Variants in ACSM3 observed in about 807,000 individuals in gnomAD.
The protein encoded by ACSM3 is acyl-CoA synthetase medium chain family member 3.
Under a neutral mutation model 74.1 loss-of-function variants are expected in ACSM3, and 61 were observed. The ratio of observed to expected loss-of-function variants is 0.82; its 90% CI spans 0.67 to 1.02. The LOEUF is 1.02. Among genes scored for constraint, ACSM3 ranks in the 50% least tolerant of loss-of-function variants. ACSM3 has a pLI of 0.00. For missense variants in ACSM3, 660 were observed against 697.0 expected (o/e 0.95, Z 0.60); for synonymous variants, 213 against 241.5 (o/e 0.88, Z 1.09).
In ACSM3 at chr16:20,794,952, A is replaced by G. The variant is rs1228690005; in HGVS notation, c.1555-1418A>G. The stretch of plus-strand genomic sequence containing the variant: ...ACTATCCAAGTTGTAGAAATCGTCA[A>G]TATGTGAACCAGTATTGCAGTTTTT... On this transcript the variant is annotated intron_variant, in intron 12 of 13. Transcript: ENST00000289416. 5.3e-5 allele frequency among the ~76,000 whole-genome samples: 8 copies of G among 152,352 alleles called. No homozygotes were observed. The East Asian group carries it at 1.3e-3, about 26-fold the overall frequency.
intron 1 of ACSM3, chr16:20,718,629 G>T (rs1249086414): frequency 5.5e-6 from 1 of 183,198 alleles, no homozygotes; most frequent in Non-Finnish European, 1.1e-5. Flanking sequence ...ACTTGTGCTG[G>T]CCGTGCCCAA....
chr16:20,786,889 C>T (rs2080485975), intron 9 of ACSM3, among the ~76,000 whole-genome samples: 2 of 152,164 alleles, frequency 1.3e-5, no homozygotes, highest in South Asian at 2.1e-4. Context: ...CACTGGTCCT[C>T]TCAGGCAAGG....
rs113400666 is a variant in ACSM3, at chr16:20,701,044, T to C, written c.-190+26222T>C. ...TAGGTGGACTTGTTGATGGTTTTGA[T>C]AGGGAGTGAATAAAAAGAATCAAGG... On this transcript the variant is annotated intron_variant, in intron 1 of 3. Coordinates refer to the ACSM3 transcript ENST00000561584. Among the ~76,000 whole-genome samples the C allele has an allele frequency of 3.3e-5, 5 of 152,142 alleles. 1 individual carries two copies. The highest frequency in any genetic ancestry group is 1.9e-4 in the East Asian group (1 of 5,168).
chr16:20,737,732 C>T (rs1234045740), intron 1 of ACSM3: 2 of 1,612,270 alleles, frequency 1.2e-6, no homozygotes, highest in South Asian at 2.2e-5. Flanking sequence ...ATAACTTCTT[C>T]TCTATTCACA....
intron 1 of ACSM3, chr16:20,743,980 G>A (rs1211711277): frequency 6.6e-6 from 1 of 152,252 alleles, no homozygotes; most frequent in Non-Finnish European, 1.5e-5. Flanking sequence ...GTTAAAATAT[G>A]TGAGGAGGCA....
At chr16:20,727,398 G>A in intron 1 of ACSM3, 2 of 566,562 alleles carry the variant, frequency 3.5e-6, no homozygotes, top group Non-Finnish European at 3.4e-6. Context: ...CCTCACCCCG[G>A]AGGTGCTGGA....
At chr16:20,785,880 G>A (rs1211715511) in intron 8 of ACSM3, among the ~76,000 whole-genome samples, 198 bp from the exon 9 acceptor site, 6 of 152,042 alleles carry the variant, frequency 3.9e-5, no homozygotes, top group African/African-American at 1.2e-4. Context: ...GGATATATGA[G>A]TAATTATTGT....
chr16:20,699,596 C>CA (rs2079707540), intron 1 of ACSM3, among the ~76,000 whole-genome samples: 1 of 152,030 alleles, frequency 6.6e-6, no homozygotes, highest in South Asian at 2.1e-4. Context: ...AACAACTAAC[C>CA]AAAAAACCTC....
chr16:20,714,365 T>G (rs1309014037), intron 1 of ACSM3, among the ~76,000 whole-genome samples: 1 of 152,056 alleles, frequency 6.6e-6, no homozygotes, highest in African/African-American at 2.4e-5. Context: ...AAATTGCCCC[T>G]GTAAACAAGG....
chr16:20,751,260 T>G (rs2079987266), intron 2 of ACSM3, among the ~76,000 whole-genome samples: 1 of 152,188 alleles, frequency 6.6e-6, no homozygotes, highest in African/African-American at 2.4e-5. Context: ...CCTTACAAAA[T>G]GTACATGAAA....
At chr16:20,737,984 T>C in intron 1 of ACSM3, 2 of 1,562,526 alleles carry the variant, frequency 1.3e-6, no homozygotes, top group Non-Finnish European at 1.7e-6. Context: ...GTTAAGAAGA[T>C]AATTTCTCAG....
At chr16:20,690,974 C>G in intron 1 of ACSM3, 1 of 1,595,738 alleles carries the variant, frequency 6.3e-7, no homozygotes, top group Non-Finnish European at 8.5e-7. Context: ...GTTCTTATAT[C>G]GCCATCACGG....
chr16:20,734,719 G>A (rs2079854483), intron 1 of ACSM3: 2 of 152,160 alleles, frequency 1.3e-5, no homozygotes, highest in African/African-American at 4.8e-5. Flanking sequence ...CCAAAAAGAG[G>A]CCTTGAAAAA....
intron 1 of ACSM3, among the ~76,000 whole-genome samples, chr16:20,675,087 G>T (rs530462495): frequency 1.3e-5 from 2 of 152,196 alleles, no homozygotes; most frequent in African/African-American, 2.4e-5. Flanking sequence ...AACTGGGAGT[G>T]TGTGGGTGTG....
chr16:20,775,525 T>A (rs1248635157), intron 2 of ACSM3, among the ~76,000 whole-genome samples: 1 of 152,178 alleles, frequency 6.6e-6, no homozygotes, highest in Admixed American at 6.5e-5. Context: ...TCCCTCTCTA[T>A]GCTTTCATCT....
intron 2 of ACSM3, among the ~76,000 whole-genome samples, chr16:20,774,984 G>A (rs906170132): frequency 6.6e-6 from 1 of 152,182 alleles, no homozygotes; most frequent in Admixed American, 6.5e-5. Flanking sequence ...TCAGGCTCTG[G>A]GGAGTGTGCT....
intron 1 of ACSM3, among the ~76,000 whole-genome samples, chr16:20,691,674 A>G (rs1428389058): frequency 6.6e-6 from 1 of 151,876 alleles, no homozygotes; most frequent in Non-Finnish European, 1.5e-5. Flanking sequence ...CCATGACTAA[A>G]GTTGATTGGT....
chr16:20,724,162 G>C (rs1490377620), intron 1 of ACSM3, among the ~76,000 whole-genome samples: 5 of 152,070 alleles, frequency 3.3e-5, no homozygotes, highest in Admixed American at 2.0e-4. Flanking sequence ...GCTTGTTTTT[G>C]TCAGGTTTGT....
intron 1 of ACSM3, among the ~76,000 whole-genome samples, chr16:20,732,189 A>G (rs1408625180): frequency 6.6e-6 from 1 of 152,174 alleles, no homozygotes; most frequent in Non-Finnish European, 1.5e-5. Context: ...TCATCAAATA[A>G]GGATTTAAGA....
Sources: gnomAD v4.1 joint callset for allele counts (sites outside exome capture counted in the v4.1 genomes callset) on GRCh38, gnomAD v4.1.1 for gene constraint, MANE v1.5 for transcripts, NCBI Gene and HGNC (gene_info 2026-07-23, HGNC 2026-07-21) for gene names.